The following STIM1 variants were observed in gnomAD, a reference collection of about 807,000 sequenced individuals.
The protein encoded by STIM1 is stromal interaction molecule 1.
Under a neutral mutation model 74.7 loss-of-function variants are expected in STIM1, and 25 were observed. The observed-to-expected ratio is 0.33, with a 90% confidence interval of 0.24 to 0.47. The LOEUF (loss-of-function observed/expected upper bound fraction) is 0.47, where lower values mean the gene tolerates loss of function less well. Ranked by LOEUF, STIM1 falls within the 20% of genes least tolerant of loss-of-function variation. STIM1 has a pLI of 1.00. For missense variants in STIM1, 728 were observed against 920.8 expected (o/e 0.79, Z 2.71); for synonymous variants, 328 against 348.8 (o/e 0.94, Z 0.66).
At chr11:3,879,494 A>G (rs1173346051) in intron 1 of STIM1, among the ~76,000 whole-genome samples, 1 of 152,190 alleles carries the variant, frequency 6.6e-6, no homozygotes, top group East Asian at 1.9e-4. Context: ...TAGTCATATT[A>G]TAATAACTCC....
chr11:4,078,187 A>G (rs1212422553), intron 7 of STIM1, among the ~76,000 whole-genome samples: 1 of 152,220 alleles, frequency 6.6e-6, no homozygotes. Context: ...GGAACTGATC[A>G]CCTCAAGCCA....
At chr11:3,968,612 C>G (rs2093362378) in intron 2 of STIM1, among the ~76,000 whole-genome samples, 1 of 152,168 alleles carries the variant, frequency 6.6e-6, no homozygotes, top group Non-Finnish European at 1.5e-5. Flanking sequence ...CGTCTATGTA[C>G]CATGCACTGT....
At chr11:3,960,727 C>G (rs549078962) in intron 1 of STIM1, among the ~76,000 whole-genome samples, 4 of 152,266 alleles carry the variant, frequency 2.6e-5, no homozygotes, top group Non-Finnish European at 5.9e-5. Flanking sequence ...CCTGTCTTTT[C>G]CAACTGCATA....
In STIM1 at chr11:4,083,212, T is replaced by C. The variant is rs189105253; in HGVS notation, c.1239-51T>C. 1,749 of 1,572,342 alleles carry C rather than the reference T, an allele frequency of 1.1e-3. 3 individuals are homozygous for C. The highest frequency in any genetic ancestry group is 1.4e-3 in the Non-Finnish European group (1,634 of 1,142,868). ...CCTCTGAGAAGAGGCTTCATTCCTA[T>C]TGGGGCTCACACCAAGTCCATGCCT... On this transcript the variant is annotated intron_variant, in intron 9 of 12. Transcript: ENST00000526596.
At chr11:4,010,983 C>T (rs528192507) in intron 2 of STIM1, among the ~76,000 whole-genome samples, 30 of 152,150 alleles carry the variant, frequency 2.0e-4, no homozygotes, top group Non-Finnish European at 3.4e-4. Flanking sequence ...GTTTTCTGTC[C>T]TTGTGATATT....
At chr11:4,088,792 C>G (rs1449226574) in intron 12 of STIM1, 2 of 1,511,660 alleles carry the variant, frequency 1.3e-6, no homozygotes, top group African/African-American at 1.4e-5. Context: ...GGAGGGACCT[C>G]TGGCCTGATT....
intron 1 of STIM1, among the ~76,000 whole-genome samples, chr11:3,893,217 A>G (rs1308345652): frequency 6.6e-6 from 1 of 152,238 alleles, no homozygotes; most frequent in African/African-American, 2.4e-5. Flanking sequence ...TGAATCCCCT[A>G]AGGCTATTAT....
In STIM1 at chr11:4,055,601, T is replaced by C; in HGVS notation, c.461T>C (p.Phe154Ser). 6.3e-7 allele frequency: 1 copy of C among 1,597,808 alleles called. No homozygotes were observed. Reference sequence around the variant, plus strand: ...GAGCTGCCTCAGTATGAGGAGACCTTCCGGAAGCTGCAGCTCAGTGGCCAT... The same window carrying C: ...GAGCTGCCTCAGTATGAGGAGACCTCCCGGAAGCTGCAGCTCAGTGGCCAT... ...YVELPQYEET[F>S]RKLQLSGHAM... Residue 154 changes from phenylalanine (F) to serine (S), a missense_variant, in exon 4 of 13, where the codon TTC becomes TCC. Phe to Ser is a radical substitution (Grantham distance 155). Transcript: ENST00000526596.
intron 1 of STIM1, among the ~76,000 whole-genome samples, chr11:3,872,773 A>G (rs1013627658): frequency 4.0e-5 from 6 of 151,784 alleles, no homozygotes; most frequent in Non-Finnish European, 1.5e-5. Context: ...CTCCCACCTC[A>G]GCCTCTCAAA....
chr11:3,915,630 C>A (rs2092632520), intron 1 of STIM1, among the ~76,000 whole-genome samples: 1 of 152,122 alleles, frequency 6.6e-6, no homozygotes. Flanking sequence ...ATCTCCTGAC[C>A]TTGTGATCCA....
At chr11:3,977,205 A>T (rs1000336968) in intron 2 of STIM1, among the ~76,000 whole-genome samples, 1 of 151,778 alleles carries the variant, frequency 6.6e-6, no homozygotes, top group Non-Finnish European at 1.5e-5. Flanking sequence ...AAAGTCTGTT[A>T]TAGAATATGT....
chr11:4,046,423 C>T (rs374035795), intron 3 of STIM1, among the ~76,000 whole-genome samples: 1 of 152,072 alleles, frequency 6.6e-6, no homozygotes, highest in African/African-American at 2.4e-5. Context: ...GCCTCATTTC[C>T]TTCCCCTGCC....
At chr11:3,983,012 G>A (rs565572830) in intron 2 of STIM1, among the ~76,000 whole-genome samples, 71 of 152,196 alleles carry the variant, frequency 4.7e-4, no homozygotes, top group Non-Finnish European at 7.8e-4. Flanking sequence ...GCTCACTGCA[G>A]CCTCCATCTC....
At chr11:4,004,467 G>C (rs1210529709) in intron 2 of STIM1, among the ~76,000 whole-genome samples, 1 of 150,272 alleles carries the variant, frequency 6.7e-6, no homozygotes, top group African/African-American at 2.4e-5. Context: ...ACAAACCTGA[G>C]AAAAACAAGC....
chr11:3,914,293 A>G (rs2135492397), intron 1 of STIM1, among the ~76,000 whole-genome samples: 1 of 152,114 alleles, frequency 6.6e-6, no homozygotes, highest in East Asian at 1.9e-4. Flanking sequence ...ATGTTGCAAC[A>G]TGCATCAGAA....
rs191882142 is a variant in STIM1 at position 4,082,520 on chromosome 11, G to T, written c.1137+169G>T. 1.2e-3 allele frequency among the ~76,000 whole-genome samples: 188 copies of T among 152,252 alleles called. 1 individual carries two copies. Among genetic ancestry groups the T allele is most frequent in the Non-Finnish European group, 2.3e-3 (159 of 68,028 alleles). On this transcript the variant is annotated intron_variant, in intron 8 of 12. Coordinates refer to ENST00000526596, the MANE Select transcript of STIM1 (RefSeq NM_001382567.1). ...GTTCAGCTCCTGACAGTGTCCTCAG[G>T]CTTCTGGAGGAGGGAATGAGGGTGT...
intron 1 of STIM1, among the ~76,000 whole-genome samples, chr11:3,883,955 C>T (rs1302905912): frequency 6.6e-6 from 1 of 151,740 alleles, no homozygotes; most frequent in Admixed American, 6.6e-5. Context: ...AATAATAGTC[C>T]CTATTGTTTT....
intron 1 of STIM1, among the ~76,000 whole-genome samples, chr11:3,870,961 C>T (rs1293448202): frequency 6.7e-6 from 1 of 150,252 alleles, no homozygotes; most frequent in East Asian, 1.9e-4. Context: ...CAACCTCTGC[C>T]TCCTGGGTTC....
intron 1 of STIM1, among the ~76,000 whole-genome samples, chr11:3,903,868 C>T (rs1013435639): frequency 1.3e-5 from 2 of 152,130 alleles, no homozygotes; most frequent in Non-Finnish European, 2.9e-5. Context: ...GCACTCTGTA[C>T]AGTGTCACAA....
Sources: allele counts gnomAD v4.1 joint callset (sites outside exome capture counted in the v4.1 genomes callset), GRCh38; gene constraint gnomAD v4.1.1; transcripts MANE v1.5; gene names NCBI Gene and HGNC (gene_info 2026-07-23, HGNC 2026-07-21).